Variants in THSD4 observed in about 807,000 individuals in gnomAD.
THSD4 encodes thrombospondin type-1 domain-containing protein 4.
Under a neutral mutation model 119.0 loss-of-function variants are expected in THSD4, and 69 were observed. The ratio of observed to expected loss-of-function variants is 0.58; its 90% CI spans 0.48 to 0.71. The LOEUF (loss-of-function observed/expected upper bound fraction) is 0.71. THSD4 is among the 30% of genes least tolerant of loss of function. The pLI, the probability that THSD4 is intolerant of heterozygous loss-of-function variation, is 0.00. For synonymous variants in THSD4, 524 were observed against 540.4 expected, an observed-to-expected ratio of 0.97 and a Z score of 0.42; for missense variants, 1,393 against 1,391.1, an observed-to-expected ratio of 1.00 and a Z score of -0.02.
At chr15:71,117,115 C>G (rs953555949) in intron 1 of THSD4, among the ~76,000 whole-genome samples, 2 of 152,018 alleles carry the variant, frequency 1.3e-5, no homozygotes, top group African/African-American at 4.8e-5. Flanking sequence ...ATACTGGAGC[C>G]CCTTCTGAAT....
intron 17 of THSD4, among the ~76,000 whole-genome samples, chr15:71,775,559 A>G (rs2053897362): frequency 6.6e-6 from 1 of 152,050 alleles, no homozygotes; most frequent in East Asian, 1.9e-4. Flanking sequence ...AATACGAAAA[A>G]AATTAGCCAA....
At chr15:71,549,190 G>GGA (rs2048888591) in intron 7 of THSD4, among the ~76,000 whole-genome samples, 1 of 152,248 alleles carries the variant, frequency 6.6e-6, no homozygotes, top group Non-Finnish European at 1.5e-5. Flanking sequence ...TGTCTTATGA[G>GGA]TTAAAAGTAT....
intron 8 of THSD4, among the ~76,000 whole-genome samples, chr15:71,676,800 A>C (rs1486905975): frequency 6.6e-6 from 1 of 152,124 alleles, no homozygotes; most frequent in Non-Finnish European, 1.5e-5. Flanking sequence ...TATGCACCAG[A>C]ATTTCATTTC....
At chr15:71,334,580 C>G (rs901800000) in intron 6 of THSD4, among the ~76,000 whole-genome samples, 7 of 152,240 alleles carry the variant, frequency 4.6e-5, no homozygotes. Context: ...ACCCAGGACC[C>G]ATGGACAATC....
intron 17 of THSD4, among the ~76,000 whole-genome samples, chr15:71,773,274 G>A (rs538537841): frequency 2.6e-4 from 39 of 150,684 alleles, no homozygotes; most frequent in Non-Finnish European, 5.2e-4. Context: ...GTTTGTCTCA[G>A]GCCAGATAAT....
intron 7 of THSD4, among the ~76,000 whole-genome samples, chr15:71,508,689 C>T (rs931606837): frequency 6.6e-6 from 1 of 152,136 alleles, no homozygotes; most frequent in Admixed American, 6.5e-5. Flanking sequence ...GATACATTTT[C>T]AGTGTAGAAT....
At chr15:71,679,157 A>ACTGT (rs1330726384) in intron 8 of THSD4, among the ~76,000 whole-genome samples, 1 of 152,210 alleles carries the variant, frequency 6.6e-6, no homozygotes, top group Admixed American at 6.5e-5. Context: ...AAAGGCATTT[A>ACTGT]CTGTCCATTT....
At chr15:71,327,914 C>A (rs967919710) in intron 6 of THSD4, among the ~76,000 whole-genome samples, 1 of 152,136 alleles carries the variant, frequency 6.6e-6, no homozygotes, top group Admixed American at 6.5e-5. Flanking sequence ...ATTAATTCAG[C>A]CGGGTCTGTG....
intron 7 of THSD4, among the ~76,000 whole-genome samples, chr15:71,498,980 CAGGTGT>C (rs2048070162): frequency 6.6e-6 from 1 of 151,682 alleles, no homozygotes; most frequent in Admixed American, 6.6e-5. Flanking sequence ...GCTGGGATTA[CAGGTGT>C]GAGCCGCCAC....
chr15:71,741,684 TACACACACACACACACACACAC>T (rs56080459), intron 11 of THSD4, among the ~76,000 whole-genome samples: 7 of 145,838 alleles, frequency 4.8e-5, no homozygotes, highest in East Asian at 4.1e-4. Context: ...TGTGTGCATG[TACACACACACACACACACACAC>T]ACACACACAC....
At chr15:71,320,634 A>G (rs1371494609) in intron 6 of THSD4, among the ~76,000 whole-genome samples, 1 of 152,242 alleles carries the variant, frequency 6.6e-6, no homozygotes, top group Non-Finnish European at 1.5e-5. Context: ...CTGGAACGTG[A>G]TCAAACTTTT....
Position 71,240,798 on chromosome 15 carries a change from T to TAC in THSD4, c.465-1811_465-1810dup, listed in dbSNP as rs58462444. Among the ~76,000 whole-genome samples, 1,010 of 145,578 alleles carry TAC rather than the reference T, an allele frequency of 6.9e-3. 3 individuals are homozygous for TAC. Among genetic ancestry groups the TAC allele is most frequent in the African/African-American group, 0.015 (594 of 39,512 alleles). On this transcript the variant is annotated intron_variant, in intron 4 of 17. Coordinates refer to ENST00000261862, the MANE Select transcript of THSD4 (RefSeq NM_024817.3). ...TATCCAAGTTTTATATATATGTGTA[T>TAC]ACACACACACACACACACACACACA...
At chr15:71,465,971 G>A (rs909663479) in intron 7 of THSD4, among the ~76,000 whole-genome samples, 3 of 152,184 alleles carry the variant, frequency 2.0e-5, no homozygotes, top group Admixed American at 6.5e-5. Context: ...GGATCTGGCT[G>A]ACTTTTCCTT....
intron 6 of THSD4, among the ~76,000 whole-genome samples, chr15:71,285,789 G>A (rs2044708448): frequency 7.2e-6 from 1 of 138,790 alleles, no homozygotes; most frequent in African/African-American, 2.6e-5. Context: ...GGGAGGCAGA[G>A]GTTGCAGTGA....
chr15:71,402,762 G>A (rs1420929408), intron 6 of THSD4, among the ~76,000 whole-genome samples: 2 of 152,150 alleles, frequency 1.3e-5, no homozygotes, highest in African/African-American at 2.4e-5. Flanking sequence ...CTAACTGCTG[G>A]GGGGTGTGAC....
At chr15:71,727,571 TATATATATATATATATAC>T (rs1567121988) in intron 8 of THSD4, among the ~76,000 whole-genome samples, 597 of 33,646 alleles carry the variant, frequency 0.018, 4 homozygotes, top group Middle Eastern at 0.097. Context: ...TATATATATA[TATATATATATATATATAC>T]ACACACACAC....
chr15:71,527,708 C>CTTTTTTTTTTTTTTTTT (rs10635101), intron 7 of THSD4, among the ~76,000 whole-genome samples: 3 of 79,716 alleles, frequency 3.8e-5, no homozygotes, highest in Admixed American at 1.9e-4. Flanking sequence ...TGTTTATCCT[C>CTTTTTTTTTTTTTTTTT]TTTTTTTTTT....
At chr15:71,207,224 G>C (rs1280923957) in intron 3 of THSD4, among the ~76,000 whole-genome samples, 2 of 152,152 alleles carry the variant, frequency 1.3e-5, no homozygotes, top group African/African-American at 4.8e-5. Context: ...TACCTCTCCT[G>C]TTCTTCTCAA....
At chr15:71,214,443 A>G (rs147335444) in intron 3 of THSD4, among the ~76,000 whole-genome samples, 2 of 152,368 alleles carry the variant, frequency 1.3e-5, no homozygotes, top group African/African-American at 4.8e-5. Flanking sequence ...GAAGTCAGCA[A>G]GACAACGAAC....
Sources: gnomAD v4.1 joint callset for allele counts (sites outside exome capture counted in the v4.1 genomes callset) on GRCh38, gnomAD v4.1.1 for gene constraint, MANE v1.5 for transcripts, NCBI Gene and HGNC (gene_info 2026-07-23, HGNC 2026-07-21) for gene names.